EPB41L4B: variants seen among roughly 807,000 people sequenced by gnomAD.
The protein encoded by EPB41L4B is erythrocyte membrane protein band 4.1 like 4B, also known as band 4.1-like protein 4B.
Under a neutral mutation model 112.5 loss-of-function variants are expected in EPB41L4B, and 30 were observed. The ratio of observed to expected loss-of-function variants is 0.27; its 90% CI spans 0.20 to 0.36. The LOEUF is 0.36. EPB41L4B is among the 10% of genes least tolerant of loss of function. The pLI is 1.00. For missense variants in EPB41L4B, 1,024 were observed against 1,133.3 expected, an observed-to-expected ratio of 0.90 and a Z score of 1.38; for synonymous variants, 408 against 439.7, an observed-to-expected ratio of 0.93 and a Z score of 0.90.
chr9:109,191,268 T>G (rs2118679435), intron 22 of EPB41L4B, among the ~76,000 whole-genome samples: 1 of 152,344 alleles, frequency 6.6e-6, no homozygotes, highest in South Asian at 2.1e-4. Context: ...CCCTGAGGCC[T>G]GCATACATGC....
At chr9:109,269,310 A>T (rs1835525333) in intron 2 of EPB41L4B, among the ~76,000 whole-genome samples, 2 of 152,240 alleles carry the variant, frequency 1.3e-5, no homozygotes. Flanking sequence ...AGGGCATTTT[A>T]ACTTCCTCTA....
At chr9:109,252,446 G>A (rs940600676) in intron 12 of EPB41L4B, among the ~76,000 whole-genome samples, 6 of 152,148 alleles carry the variant, frequency 3.9e-5, no homozygotes, top group African/African-American at 1.2e-4. Context: ...CTCTCGAAGG[G>A]CAGGACTATT....
intron 24 of EPB41L4B, among the ~76,000 whole-genome samples, chr9:109,181,314 A>G (rs527266702): frequency 6.6e-6 from 1 of 152,250 alleles, no homozygotes; most frequent in South Asian, 2.1e-4. Flanking sequence ...GGCAGAATAA[A>G]TAAGCTGCCC....
At chr9:109,280,488 C>A (rs1298444616) in intron 1 of EPB41L4B, among the ~76,000 whole-genome samples, 1 of 152,192 alleles carries the variant, frequency 6.6e-6, no homozygotes, top group Non-Finnish European at 1.5e-5. Context: ...GGGGCATGAG[C>A]ACAAGAAAGC....
intron 15 of EPB41L4B, chr9:109,240,829 T>C (rs750964209): frequency 5.7e-5 from 56 of 985,332 alleles, no homozygotes; most frequent in Non-Finnish European, 6.7e-5. Context: ...CACAATTATG[T>C]CTTCTGAAAT....
chr9:109,182,868 C>T, intron 23 of EPB41L4B, 71 bp from the exon 24 acceptor site: 1 of 1,146,012 alleles, frequency 8.7e-7, no homozygotes, highest in Non-Finnish European at 1.3e-6. Flanking sequence ...TTTGGCAGCG[C>T]ACCTTTAAAA....
chr9:109,192,423 G>T, intron 21 of EPB41L4B, 68 bp from the exon 22 acceptor site: 1 of 1,264,558 alleles, frequency 7.9e-7, no homozygotes, highest in African/African-American at 1.5e-5. Context: ...CACCAGAAAA[G>T]ACAGGCAGAG....
intron 21 of EPB41L4B, 92 bp from the exon 22 acceptor site, chr9:109,192,447 C>G: frequency 3.6e-6 from 3 of 833,352 alleles, no homozygotes; most frequent in Admixed American, 2.5e-5. Flanking sequence ...CCCAGCCTCT[C>G]CTCTACACTG....
intron 4 of EPB41L4B, among the ~76,000 whole-genome samples, chr9:109,266,827 A>C (rs2119076500): frequency 6.6e-6 from 1 of 151,968 alleles, no homozygotes; most frequent in Non-Finnish European, 1.5e-5. Context: ...CAATTAGCAG[A>C]GTGTGATGGT....
intron 25 of EPB41L4B, among the ~76,000 whole-genome samples, chr9:109,175,137 G>T (rs377032187): frequency 1.3e-5 from 2 of 151,642 alleles, no homozygotes; most frequent in Admixed American, 1.3e-4. Context: ...GGCTGGTCTC[G>T]AACTCCTGAG....
intron 15 of EPB41L4B, among the ~76,000 whole-genome samples, chr9:109,238,504 T>A (rs1440598378): frequency 1.3e-5 from 2 of 152,226 alleles, no homozygotes; most frequent in Non-Finnish European, 2.9e-5. Context: ...ATCCATTTGC[T>A]GAGCAGACAT....
At chr9:109,307,227 CT>C (rs200080250) in intron 1 of EPB41L4B, 23,363 of 332,100 alleles carry the variant, frequency 0.07, 63 homozygotes, top group East Asian at 0.17. Context: ...TAAATTTTTC[CT>C]TTTTTTTTTT....
At chr9:109,311,909 C>A (rs1188308444) in intron 1 of EPB41L4B, among the ~76,000 whole-genome samples, 1 of 152,142 alleles carries the variant, frequency 6.6e-6, no homozygotes. Context: ...CCTTCCCAGG[C>A]GGCAGTGATT....
intron 15 of EPB41L4B, among the ~76,000 whole-genome samples, chr9:109,238,625 T>A (rs778312371): frequency 4.6e-5 from 7 of 152,010 alleles, no homozygotes; most frequent in African/African-American, 1.7e-4. Context: ...AAAGAGCCCA[T>A]TTTAATACAA....
intron 1 of EPB41L4B, among the ~76,000 whole-genome samples, chr9:109,304,813 T>G (rs1232336756): frequency 6.6e-6 from 1 of 152,116 alleles, no homozygotes; most frequent in Non-Finnish European, 1.5e-5. Context: ...ATGATTCTAT[T>G]TATATGAAAT....
intron 15 of EPB41L4B, chr9:109,240,087 G>C (rs187200667): frequency 1.0e-6 from 1 of 985,106 alleles, no homozygotes. Context: ...CTGTTACCAA[G>C]GTCATTCACA....
At chr9:109,291,506 G>A (rs781330659) in intron 1 of EPB41L4B, among the ~76,000 whole-genome samples, 2 of 152,168 alleles carry the variant, frequency 1.3e-5, no homozygotes, top group East Asian at 1.9e-4. Context: ...AGGCCAAGAC[G>A]CTGTAGTGAG....
chr9:109,201,086 A>C (rs10116869), intron 19 of EPB41L4B, among the ~76,000 whole-genome samples: 130,320 of 152,136 alleles, frequency 0.86, 55,972 homozygotes, highest in African/African-American at 0.9. Flanking sequence ...TGAAAGGGAC[A>C]CCTGGCAAGT....
intron 1 of EPB41L4B, among the ~76,000 whole-genome samples, chr9:109,295,205 C>A (rs879496149): frequency 6.7e-6 from 1 of 149,898 alleles, no homozygotes; most frequent in Non-Finnish European, 1.5e-5. Flanking sequence ...TGCCTAACTT[C>A]ACAGACACCA....
Sources: gnomAD v4.1 joint callset for allele counts (sites outside exome capture counted in the v4.1 genomes callset) on GRCh38, gnomAD v4.1.1 for gene constraint, MANE v1.5 for transcripts, NCBI Gene and HGNC (gene_info 2026-07-23, HGNC 2026-07-21) for gene names.